The following COL5A1 variants were observed in gnomAD, a reference collection of about 807,000 sequenced individuals.
COL5A1 encodes collagen alpha-1(V) chain.
COL5A1 carries 16 observed loss-of-function variants against 263.7 expected under a neutral mutation model. The ratio of observed to expected loss-of-function variants is 0.06; its 90% CI spans 0.04 to 0.09. COL5A1 has a LOEUF of 0.09. Among genes scored for constraint, COL5A1 ranks in the 10% least tolerant of loss-of-function variants. The pLI is 1.00. For missense variants in COL5A1, 2,036 were observed against 2,540.5 expected, an observed-to-expected ratio of 0.80 and a Z score of 4.27; for synonymous variants, 1,012 against 1,004.5, an observed-to-expected ratio of 1.01 and a Z score of -0.14.
intron 1 of COL5A1, among the ~76,000 whole-genome samples, chr9:134,646,237 C>A (rs543618666): frequency 6.6e-6 from 1 of 152,138 alleles, no homozygotes; most frequent in Admixed American, 6.5e-5. Flanking sequence ...GACAGGCAGA[C>A]CATTGTGAAT....
intron 4 of COL5A1, among the ~76,000 whole-genome samples, chr9:134,703,206 G>A (rs1264889462): frequency 6.6e-6 from 1 of 152,220 alleles, no homozygotes; most frequent in East Asian, 1.9e-4. Context: ...GCGGGTGCTT[G>A]GATCCTGCTG....
intron 11 of COL5A1, among the ~76,000 whole-genome samples, chr9:134,746,924 G>A (rs535078995): frequency 1.3e-5 from 2 of 152,346 alleles, no homozygotes; most frequent in South Asian, 4.1e-4. Context: ...CACATCGCTG[G>A]CCCGTGCTTT....
chr9:134,642,998 C>T lies in COL5A1; in HGVS notation c.109+702C>T, dbSNP rs1053014865. On this transcript the variant is annotated intron_variant, in intron 1 of 65. Coordinates refer to ENST00000371817, the MANE Select transcript of COL5A1 (RefSeq NM_000093.5). The surrounding 1 kb of genome is among the most constrained non-coding windows in gnomAD (Gnocchi z 4.5). Reference sequence around the variant, plus strand: ...GAGAGATGGGATGCGTGGAGCAAAGCCAGAGATGGGCTTGCAGGCGGGGCT... The same window carrying T: ...GAGAGATGGGATGCGTGGAGCAAAGTCAGAGATGGGCTTGCAGGCGGGGCT... Among the ~76,000 whole-genome samples the T allele has an allele frequency of 3.9e-5, 6 of 152,220 alleles. No homozygotes were observed. Among genetic ancestry groups the T allele is most frequent in the African/African-American group, 1.4e-4 (6 of 41,454 alleles).
At chr9:134,658,556 C>A (rs186302036) in intron 1 of COL5A1, among the ~76,000 whole-genome samples, 100 of 152,296 alleles carry the variant, frequency 6.6e-4, no homozygotes, top group African/African-American at 2.1e-3. Context: ...AGGGCCTGGC[C>A]GATTACAAAC....
intron 12 of COL5A1, 70 bp downstream of exon 12, chr9:134,750,686 G>C: frequency 1.3e-6 from 2 of 1,598,056 alleles, no homozygotes; most frequent in Non-Finnish European, 1.7e-6. Flanking sequence ...GACCCTCTGA[G>C]GCTGCGCTGT....
intron 11 of COL5A1, among the ~76,000 whole-genome samples, chr9:134,745,718 G>A (rs959001627): frequency 6.6e-6 from 1 of 152,142 alleles, no homozygotes; most frequent in Admixed American, 6.5e-5. Context: ...GGGATCCTCG[G>A]ACAATTGATG....
In COL5A1 at chr9:134,841,436, T is replaced by C. The variant is rs79264501; in HGVS notation, c.5371-721T>C. Reference sequence around the variant, plus strand: ...GGAGGCGGCCTCTCCTAGGCTTCCATCCCACATCCCAGCGCCCAGGGTTGT... The same window carrying C: ...GGAGGCGGCCTCTCCTAGGCTTCCACCCCACATCCCAGCGCCCAGGGTTGT... On this transcript the variant is annotated intron_variant, in intron 65 of 65. Transcript: ENST00000371817. The surrounding 1 kb of genome is among the most constrained non-coding windows in gnomAD (Gnocchi z 4.8). Among the ~76,000 whole-genome samples, 3,655 of 152,230 alleles carry C rather than the reference T, an allele frequency of 0.024. 152 individuals are homozygous for C. The highest frequency in any genetic ancestry group is 0.084 in the African/African-American group (3,502 of 41,518).
At chr9:134,693,784 C>A (rs1833368030) in intron 2 of COL5A1, among the ~76,000 whole-genome samples, 1 of 152,250 alleles carries the variant, frequency 6.6e-6, no homozygotes, top group Non-Finnish European at 1.5e-5. Flanking sequence ...TGGAGGGACT[C>A]AGAAGCTCAC....
chr9:134,719,661 G>A (rs1456241314), intron 4 of COL5A1, among the ~76,000 whole-genome samples: 4 of 152,226 alleles, frequency 2.6e-5, no homozygotes, highest in South Asian at 2.1e-4. Flanking sequence ...GGGGCAGGGC[G>A]GCACATCATG....
chr9:134,765,397 G>A lies in COL5A1; in HGVS notation c.2035-284G>A, dbSNP rs535840211. ...TGCCCCAGCAAGTGTCAGAGGAGCC[G>A]GTCAGCTTGAAAGCCCCCCTTTCCC... On this transcript the variant is annotated intron_variant, in intron 20 of 65. Coordinates refer to ENST00000371817, the MANE Select transcript of COL5A1 (RefSeq NM_000093.5). The surrounding 1 kb of genome is among the most constrained non-coding windows in gnomAD (Gnocchi z 5.1). Among the ~76,000 whole-genome samples, 10 of 152,164 alleles carry A rather than the reference G, an allele frequency of 6.6e-5. No individual in the cohort carries two copies. In the South Asian group the frequency reaches 2.1e-3, roughly 32 times the overall value.
Position 134,699,914 on chromosome 9 carries a change from G to A in COL5A1, c.283G>A (p.Ala95Thr), listed in dbSNP as rs1368554686. Residue 95 changes from alanine (A) to threonine (T), a missense_variant, in exon 3 of 66, where the codon GCA (alanine) becomes ACA (threonine). Around this residue, in one of 3 missense-constraint regions of COL5A1, gnomAD observed 600 missense variants for 634.5 expected, o/e 0.95. Coordinates refer to ENST00000371817, the MANE Select transcript of COL5A1 (RefSeq NM_000093.5). ...ACCTCTGTGCTCTGTTCCAGCGTCT[G>A]CATTTCCCGAGGACTTCTCCATCCT... ...APTKQLYPAS[A>T]FPEDFSILTT... is the part of the protein sequence containing the mutation. 6.2e-7 allele frequency: 1 copy of A among 1,613,954 alleles called. No individual in the cohort carries two copies. Among genetic ancestry groups the A allele is most frequent in the Non-Finnish European group, 8.5e-7 (1 of 1,180,010 alleles).
intron 19 of COL5A1, 135 bp downstream of exon 19, chr9:134,762,113 A>G (rs1588519854): frequency 1.5e-5 from 13 of 875,604 alleles, no homozygotes; most frequent in Non-Finnish European, 2.1e-5. Context: ...GAGAAGGCAG[A>G]TGGGGATTCC....
chr9:134,685,498 A>G (rs1833025069), intron 1 of COL5A1, among the ~76,000 whole-genome samples: 1 of 116,748 alleles, frequency 8.6e-6, no homozygotes, highest in South Asian at 3.1e-4. Context: ...CCATCCATCC[A>G]TCCATCCATC....
chr9:134,708,761 C>A (rs535008844), intron 4 of COL5A1: 4 of 472,228 alleles, frequency 8.5e-6, no homozygotes, highest in Non-Finnish European at 1.3e-5. Context: ...AACCAACTGT[C>A]ACAGCCCGGT....
At chr9:134,834,210 C>T (rs1232681421) in intron 64 of COL5A1, among the ~76,000 whole-genome samples, 1 of 152,196 alleles carries the variant, frequency 6.6e-6, no homozygotes, top group Admixed American at 6.5e-5. Context: ...TCAGGGGAAA[C>T]CAGGGCTCGC....
In COL5A1 at chr9:134,758,219, G is replaced by A; in HGVS notation, c.1882-24G>A. 1 of 1,613,880 alleles carries A rather than the reference G, an allele frequency of 6.2e-7. No homozygotes were observed. The highest frequency in any genetic ancestry group is 8.5e-7 in the Non-Finnish European group (1 of 1,179,960). ...CCACGTGTGCAGGGTGGCGTCTGAG[G>A]CAGCCTTTCTGTCCTTTTTGCAGGG... On this transcript the variant is annotated intron_variant, in intron 17 of 65. Transcript: ENST00000371817. This position sits in a 1 kb window ranked among gnomAD's most constrained non-coding sequence, Gnocchi z 4.1.
At chr9:134,719,921 A>G (rs1301780193) in intron 4 of COL5A1, among the ~76,000 whole-genome samples, 2 of 152,170 alleles carry the variant, frequency 1.3e-5, no homozygotes, top group African/African-American at 4.8e-5. Context: ...TGGGCAGGGC[A>G]TCAGGTTGGT....
intron 32 of COL5A1, among the ~76,000 whole-genome samples, chr9:134,790,794 C>T (rs1218065570): frequency 1.3e-5 from 2 of 151,736 alleles, no homozygotes; most frequent in Non-Finnish European, 2.9e-5. Context: ...TCTTAGGTAC[C>T]ACTGTGAGAA....
chr9:134,650,526 C>G (rs1281583301), intron 1 of COL5A1, among the ~76,000 whole-genome samples: 1 of 152,240 alleles, frequency 6.6e-6, no homozygotes, highest in Non-Finnish European at 1.5e-5. Flanking sequence ...ACTGGGTCTT[C>G]CGCTGCGGCG....
Sources: gnomAD v4.1 joint callset for allele counts (sites outside exome capture counted in the v4.1 genomes callset) on GRCh38, gnomAD v4.1.1 for gene constraint, gnomAD v4.1.1 regional missense constraint, Gnocchi (gnomAD v3.1) non-coding constraint, MANE v1.5 for transcripts, NCBI Gene and HGNC (gene_info 2026-07-23, HGNC 2026-07-21) for gene names.